The following RALYL variants were observed in gnomAD, a reference collection of about 807,000 sequenced individuals.
The protein encoded by RALYL is RNA-binding Raly-like protein.
RALYL carries 29 observed loss-of-function variants against 35.1 expected under a neutral mutation model. That is an observed-to-expected ratio of 0.83 (90% confidence interval 0.61 to 1.13). RALYL has a LOEUF of 1.13. Ranked by LOEUF, RALYL falls within the 50% of genes most tolerant of loss-of-function variation. The pLI is 0.00. For missense variants in RALYL, 359 were observed against 360.4 expected (o/e 1.00, Z 0.03); for synonymous variants, 120 against 127.6 (o/e 0.94, Z 0.40).
At chr8:84,612,396 G>T (rs1394461091) in intron 2 of RALYL, among the ~76,000 whole-genome samples, 1 of 151,942 alleles carries the variant, frequency 6.6e-6, no homozygotes, top group Non-Finnish European at 1.5e-5. Flanking sequence ...TACTTAAGTT[G>T]TAACACTTTC....
intron 1 of RALYL, among the ~76,000 whole-genome samples, chr8:84,509,699 G>A (rs956153068): frequency 6.6e-6 from 1 of 152,016 alleles, no homozygotes; most frequent in Non-Finnish European, 1.5e-5. Flanking sequence ...TTTATAAAGG[G>A]TGTAAAGTGT....
intron 2 of RALYL, among the ~76,000 whole-genome samples, chr8:84,532,576 G>A (rs556098973): frequency 4.5e-4 from 69 of 152,026 alleles, no homozygotes; most frequent in African/African-American, 1.3e-3. Context: ...CAGGTACCAC[G>A]ACCTATCTAA....
At chr8:84,659,150 C>G (rs1343791505) in intron 2 of RALYL, among the ~76,000 whole-genome samples, 2 of 151,954 alleles carry the variant, frequency 1.3e-5, no homozygotes, top group African/African-American at 4.8e-5. Flanking sequence ...AGTGGATTCT[C>G]CAGGAAACAG....
At chr8:84,457,324 T>C (rs1041543336) in intron 1 of RALYL, among the ~76,000 whole-genome samples, 1 of 151,950 alleles carries the variant, frequency 6.6e-6, no homozygotes, top group Non-Finnish European at 1.5e-5. Flanking sequence ...ATATAAATAA[T>C]AGAGTTCACT....
intron 3 of RALYL, among the ~76,000 whole-genome samples, chr8:84,794,766 C>T (rs1821531278): frequency 6.6e-6 from 1 of 152,182 alleles, no homozygotes; most frequent in Non-Finnish European, 1.5e-5. Context: ...GGAGAATCTG[C>T]CAGTGGTTAA....
chr8:84,796,495 C>CTGAT (rs980948960), intron 3 of RALYL, among the ~76,000 whole-genome samples: 8 of 152,250 alleles, frequency 5.3e-5, no homozygotes, highest in Admixed American at 1.3e-4. Context: ...TTTAAGAATA[C>CTGAT]TGATAGGATT....
chr8:84,493,697 G>A (rs984820974), intron 1 of RALYL, among the ~76,000 whole-genome samples: 5 of 152,012 alleles, frequency 3.3e-5, no homozygotes, highest in African/African-American at 1.2e-4. Context: ...TTTTTCATAT[G>A]TTTGACCACA....
At chr8:84,718,030 G>A (rs1457320795) in intron 2 of RALYL, among the ~76,000 whole-genome samples, 1 of 152,076 alleles carries the variant, frequency 6.6e-6, no homozygotes, top group African/African-American at 2.4e-5. Flanking sequence ...AAGTGGTATG[G>A]CTTAAGAAAA....
chr8:84,401,475 A>G (rs1027000548), intron 1 of RALYL, among the ~76,000 whole-genome samples: 2 of 151,658 alleles, frequency 1.3e-5, no homozygotes, highest in African/African-American at 4.8e-5. Flanking sequence ...CGTCTCTACT[A>G]AAAATACAAA....
At chr8:84,570,614 A>G (rs570182442) in intron 2 of RALYL, among the ~76,000 whole-genome samples, 1 of 152,032 alleles carries the variant, frequency 6.6e-6, no homozygotes, top group East Asian at 1.9e-4. Context: ...TTCCAATACT[A>G]TGTTGAATAG....
At chr8:84,512,955 T>C (rs948781088) in intron 1 of RALYL, among the ~76,000 whole-genome samples, 2 of 152,180 alleles carry the variant, frequency 1.3e-5, no homozygotes, top group African/African-American at 4.8e-5. Context: ...CGAAGTCAGG[T>C]CTGTGATGTT....
intron 2 of RALYL, among the ~76,000 whole-genome samples, chr8:84,732,683 T>TATATATATATATACACACAC: frequency 1.2e-4 from 16 of 133,250 alleles, no homozygotes; most frequent in African/African-American, 3.3e-4. Flanking sequence ...TATATATATA[T>TATATATATATATACACACAC]ACACACACAC....
chr8:84,515,574 C>T (rs1439872534), intron 1 of RALYL, among the ~76,000 whole-genome samples: 1 of 152,066 alleles, frequency 6.6e-6, no homozygotes, highest in African/African-American at 2.4e-5. Context: ...CTGCTCTTTC[C>T]AGAAATGTGA....
intron 1 of RALYL, among the ~76,000 whole-genome samples, chr8:84,446,597 A>G (rs1287808831): frequency 2.0e-5 from 3 of 152,094 alleles, no homozygotes; most frequent in Non-Finnish European, 2.9e-5. Flanking sequence ...AAATCAACTT[A>G]TTCTCTGCAT....
chr8:84,466,611 T>G lies in RALYL; in HGVS notation c.-23-62688T>G, dbSNP rs913622779. Reference sequence around the variant, plus strand: ...ATATTGGTCTAAAATTCTCTTTTTTTGTTGTGTCTCTGCCTGGCTTTGGTA... The same window carrying G: ...ATATTGGTCTAAAATTCTCTTTTTTGGTTGTGTCTCTGCCTGGCTTTGGTA... On this transcript the variant is annotated intron_variant, in intron 1 of 8. Transcript: ENST00000521268. 1.2e-3 allele frequency among the ~76,000 whole-genome samples: 176 copies of G among 150,430 alleles called. 3 individuals carry two copies. The East Asian group carries it at 0.026, about 23-fold the overall frequency.
chr8:84,714,288 G>T (rs749827201), intron 2 of RALYL, among the ~76,000 whole-genome samples: 11 of 151,742 alleles, frequency 7.2e-5, no homozygotes, highest in Non-Finnish European at 1.6e-4. Flanking sequence ...TTTGTCAACA[G>T]ATACAAAATT....
chr8:84,727,477 T>G (rs1055854319), intron 2 of RALYL, among the ~76,000 whole-genome samples: 1 of 152,052 alleles, frequency 6.6e-6, no homozygotes, highest in Non-Finnish European at 1.5e-5. Flanking sequence ...ATTTTATTTT[T>G]TATTATTATT....
chr8:84,878,868 G>T (rs1014013523), intron 7 of RALYL, among the ~76,000 whole-genome samples: 1 of 152,102 alleles, frequency 6.6e-6, no homozygotes, highest in Non-Finnish European at 1.5e-5. Context: ...TTTAGTTTCA[G>T]TTTTCCTAGG....
At chr8:84,250,244 A>G (rs1829918539) in intron 1 of RALYL, among the ~76,000 whole-genome samples, 1 of 152,168 alleles carries the variant, frequency 6.6e-6, no homozygotes, top group Non-Finnish European at 1.5e-5. Flanking sequence ...TCACATTACA[A>G]TGAGCAACTG....
Sources: allele counts gnomAD v4.1 joint callset (sites outside exome capture counted in the v4.1 genomes callset), GRCh38; gene constraint gnomAD v4.1.1; transcripts MANE v1.5; gene names NCBI Gene and HGNC (gene_info 2026-07-23, HGNC 2026-07-21).